ONECUT3: variants seen among roughly 807,000 people sequenced by gnomAD.
ONECUT3 encodes the protein one cut domain family member 3.
In ONECUT3, 11 loss-of-function variants were observed where a neutral mutation model predicts 16.8. The observed-to-expected ratio is 0.66, with a 90% CI of 0.41 to 1.09. The LOEUF (loss-of-function observed/expected upper bound fraction) is 1.09, where lower values mean the gene tolerates loss of function less well. Ranked by LOEUF, ONECUT3 falls within the 50% of genes least tolerant of loss-of-function variation. The pLI is 0.00. For synonymous variants in ONECUT3, 344 were observed against 310.7 expected (o/e 1.11, Z -1.13); for missense variants, 637 against 629.9 (o/e 1.01, Z -0.12).
intron 1 of ONECUT3, among the ~76,000 whole-genome samples, chr19:1,770,770 G>GT (rs2068047235): frequency 1.3e-5 from 2 of 152,140 alleles, no homozygotes; most frequent in Admixed American, 6.6e-5. Flanking sequence ...GGTCAATTCA[G>GT]TTTTTTGCAT....
rs1301162596 is a variant in ONECUT3 at position 1,758,315 on chromosome 19, AAGAG to A, written c.1192+3479_1192+3482del. Among the ~76,000 whole-genome samples, 1,627 of 77,014 alleles carry A rather than the reference AAGAG, an allele frequency of 0.021. 22 individuals carry two copies. The highest frequency in any genetic ancestry group is 0.076 in the South Asian group (155 of 2,030). The allele number at this position is 77,014 out of a possible 152,430, so 50.5% of individuals were successfully genotyped here. ...GCAGAGAGACCAAAAAAAAAAAAAA[AAGAG>A]AGAGAGAGAGAGAGAGACAGAGATG... On this transcript the variant is annotated intron_variant, in intron 1 of 1. Coordinates refer to ENST00000382349, the MANE Select transcript of ONECUT3 (RefSeq NM_001080488.2). The surrounding 1 kb of genome is among the most constrained non-coding windows in gnomAD (Gnocchi z 5.9).
At position 1,775,154 on chromosome 19, in the gene ONECUT3, C is replaced by T; in HGVS notation, c.1194C>T (p.Ala398=). Residue 398 remains alanine, a splice_region_variant and synonymous_variant, in exon 2 of 2, where the codon GCC becomes GCT. Coordinates refer to ENST00000382349, the MANE Select transcript of ONECUT3 (RefSeq NM_001080488.2). ...FQRMSALRLA[A]CKRKEQEQQK... ...CGCCCGCCCGCCGCTCGCCCGCAGC[C>T]TGCAAGCGCAAGGAACAGGAGCAGC... is the stretch of plus-strand genomic sequence containing the variant. 2 of 1,477,764 alleles carry T rather than the reference C, an allele frequency of 1.4e-6. No homozygotes were observed. The highest frequency in any genetic ancestry group is 1.5e-5 in the African/African-American group (1 of 68,786). The allele number at this position is 1,477,764 out of a possible 1,614,324, so 91.5% of individuals were successfully genotyped here. A position where few individuals can be genotyped will look rare whatever the true frequency, so the allele number is the denominator to read the frequency against.
At chr19:1,767,316 C>A (rs1600349577) in intron 1 of ONECUT3, among the ~76,000 whole-genome samples, 1 of 152,278 alleles carries the variant, frequency 6.6e-6, no homozygotes, top group Non-Finnish European at 1.5e-5. Context: ...CACAGCCCAA[C>A]CATGATCAAG....
In ONECUT3 at chr19:1,759,275, A is replaced by G. The variant is rs558947473; in HGVS notation, c.1192+4421A>G. ...CTGAGGGGAAGGACATGGAAAGGAA[A>G]AAGAGGCAGAACCTCTTCCCCACCC... On this transcript the variant is annotated intron_variant, in intron 1 of 1. Transcript: ENST00000382349. This position sits in a 1 kb window ranked among gnomAD's most constrained non-coding sequence, Gnocchi z 4.1. Among the ~76,000 whole-genome samples, 89 of 152,134 alleles carry G rather than the reference A, an allele frequency of 5.9e-4. No homozygotes were observed. The highest frequency in any genetic ancestry group is 2.0e-3 in the African/African-American group (85 of 41,494).
intron 1 of ONECUT3, among the ~76,000 whole-genome samples, chr19:1,767,298 C>T (rs1167031265): frequency 6.6e-6 from 1 of 152,148 alleles, no homozygotes. Flanking sequence ...TCTGGCTAGA[C>T]CCTTCCCCAC....
intron 1 of ONECUT3, among the ~76,000 whole-genome samples, chr19:1,769,630 C>T (rs116341385): frequency 2.7e-5 from 4 of 150,120 alleles, no homozygotes; most frequent in East Asian, 2.0e-4. Context: ...GGTCAGGTGG[C>T]GGTGGTGATG....
chr19:1,775,459 C>T lies in ONECUT3; in HGVS notation c.*14C>T. On this transcript the variant is annotated 3_prime_UTR_variant, in exon 2 of 2. Transcript: ENST00000382349. The stretch of plus-strand genomic sequence containing the variant: ...TCCAAGGCCTGAGGCGCCCCGGCCC[C>T]GCGCCCTCCCTGCCTCCACGGCCTG... 3.4e-6 allele frequency: 5 copies of T among 1,454,818 alleles called. No individual in the cohort carries two copies. The South Asian group carries it at 4.4e-5, about 13-fold the overall frequency. 90.1% of individuals were successfully genotyped at this position (1,454,818 alleles called of 1,614,324 possible).
intron 1 of ONECUT3, among the ~76,000 whole-genome samples, chr19:1,768,087 G>C (rs1320263639): frequency 6.6e-6 from 1 of 152,150 alleles, no homozygotes; most frequent in Non-Finnish European, 1.5e-5. Flanking sequence ...GAGGTGCAGG[G>C]CTGGCTGCAT....
rs2068110795 is a variant in ONECUT3, at chr19:1,776,587, CA to C, written c.*1145del. ...CTCCATTTTTTGCCAAAAATATTTA[CA>C]AATGGGAAGGGTCGGAAATGAAGAT... On this transcript the variant is annotated 3_prime_UTR_variant, in exon 2 of 2. Coordinates refer to ENST00000382349, the MANE Select transcript of ONECUT3 (RefSeq NM_001080488.2). The surrounding 1 kb of genome is among the most constrained non-coding windows in gnomAD (Gnocchi z 4.9). 6.6e-6 allele frequency: 1 copy of C among 152,124 alleles called. No individual in the cohort carries two copies. Among genetic ancestry groups the C allele is most frequent in the Non-Finnish European group, 1.5e-5 (1 of 68,028 alleles). The allele number at this position is 152,124 out of a possible 1,614,324, so 9.4% of individuals were successfully genotyped here. A position where few individuals can be genotyped will look rare whatever the true frequency, so the allele number is the denominator to read the frequency against.
intron 1 of ONECUT3, among the ~76,000 whole-genome samples, chr19:1,761,636 C>T (rs542882448): frequency 8.5e-5 from 13 of 152,284 alleles, no homozygotes; most frequent in African/African-American, 3.1e-4. Context: ...CCGGCTTACC[C>T]GGGAGAGCTG....
chr19:1,763,961 G>A (rs1441655801), intron 1 of ONECUT3, among the ~76,000 whole-genome samples: 2 of 152,024 alleles, frequency 1.3e-5, no homozygotes, highest in Non-Finnish European at 2.9e-5. Context: ...CGTCCGGGGC[G>A]GATCATTTTA....
At position 1,779,418 on chromosome 19, in the gene ONECUT3, AGAGAGAGAGAGAGGGAGAGAGAGG is replaced by A. The variant is rs1166262631; in HGVS notation, c.*3979_*4002del. 6.7e-6 allele frequency: 1 copy of A among 149,422 alleles called. No homozygotes were observed. The highest frequency in any genetic ancestry group is 1.5e-5 in the Non-Finnish European group (1 of 67,262). The allele number at this position is 149,422 out of a possible 1,614,324, so 9.3% of individuals were successfully genotyped here. On this transcript the variant is annotated 3_prime_UTR_variant, in exon 2 of 2. Coordinates refer to ENST00000382349, the MANE Select transcript of ONECUT3 (RefSeq NM_001080488.2). ...GGAAGAGAGAGAGAGAGCGAGCGCAAGAGAGAGAGAGAGGGAGAGAGAGGGAGAGGGAGAGAGAGAGGCAGAGGT... is the reference window on the plus strand; with the variant it reads ...GGAAGAGAGAGAGAGAGCGAGCGCAAGAGAGGGAGAGAGAGAGGCAGAGGT...
At position 1,759,613 on chromosome 19, in the gene ONECUT3, A is replaced by G. The variant is rs1403645705; in HGVS notation, c.1192+4759A>G. Among the ~76,000 whole-genome samples the G allele has an allele frequency of 1.3e-5, 2 of 152,136 alleles. No homozygotes were observed. Among genetic ancestry groups the G allele is most frequent in the Non-Finnish European group, 1.5e-5 (1 of 68,028 alleles). On this transcript the variant is annotated intron_variant, in intron 1 of 1. Transcript: ENST00000382349. This position sits in a 1 kb window ranked among gnomAD's most constrained non-coding sequence, Gnocchi z 4.1. ...ACGCCTCTTACGGACACCCCCAGAA[A>G]AATATGCCCCACGCCACTAGACAGT... is the stretch of plus-strand genomic sequence containing the variant.
Position 1,778,689 on chromosome 19 carries a change from G to C in ONECUT3, c.*3244G>C, listed in dbSNP as rs562433415. 6.6e-6 allele frequency: 1 copy of C among 152,236 alleles called. No homozygotes were observed. Among genetic ancestry groups the C allele is most frequent in the African/African-American group, 2.4e-5 (1 of 41,470 alleles). The allele number at this position is 152,236 out of a possible 1,614,324, so 9.4% of individuals were successfully genotyped here. A position where few individuals can be genotyped will look rare whatever the true frequency, so the allele number is the denominator to read the frequency against. On this transcript the variant is annotated 3_prime_UTR_variant, in exon 2 of 2. Coordinates refer to ENST00000382349, the MANE Select transcript of ONECUT3 (RefSeq NM_001080488.2). ...GCTATGCTGAACTGTGGTCAGATCA[G>C]GTCAAGCCTCTTGGTCACAGAAGTG...
chr19:1,771,531 C>T (rs2068054887), intron 1 of ONECUT3, among the ~76,000 whole-genome samples: 1 of 152,164 alleles, frequency 6.6e-6, no homozygotes, highest in Non-Finnish European at 1.5e-5. Context: ...TTTGCACACC[C>T]AAAGCTGCTT....
chr19:1,754,218 G>C lies in ONECUT3; in HGVS notation c.556G>C (p.Gly186Arg). The change falls in exon 1 of 2, where the codon GGA becomes CGA. Residue 186 changes from glycine (G) to arginine (R), a missense_variant. Gly to Arg is a moderately radical substitution (Grantham distance 125). Around this residue, in one of 3 missense-constraint regions of ONECUT3, gnomAD observed 419 missense variants for 377.9 expected, o/e 1.11. Transcript: ENST00000382349. The surrounding 1 kb of genome is among the most constrained non-coding windows in gnomAD (Gnocchi z 7.4). ...GCTCGCCTCCGTGGGCCACCTCTAC[G>C]GACCCTACGGCAAGGAGCTGCCCGC... is the stretch of plus-strand genomic sequence containing the variant. ...AALASVGHLY[G>R]PYGKELPAMG... 5 of 1,115,982 alleles carry C rather than the reference G, an allele frequency of 4.5e-6. No individual in the cohort carries two copies. The highest frequency in any genetic ancestry group is 4.4e-6 in the Non-Finnish European group (4 of 908,310). 69.1% of individuals were successfully genotyped at this position (1,115,982 alleles called of 1,614,324 possible).
chr19:1,754,893 C>G lies in ONECUT3; in HGVS notation c.1192+39C>G. On this transcript the variant is annotated intron_variant, in intron 1 of 1. Transcript: ENST00000382349. This position sits in a 1 kb window ranked among gnomAD's most constrained non-coding sequence, Gnocchi z 7.4. ...GCGCAGGGCCAGACCCTGGGGGCGCCGGCTCTGGACTCCCGAGCACCTAGC... is the reference window on the plus strand; with the variant it reads ...GCGCAGGGCCAGACCCTGGGGGCGCGGGCTCTGGACTCCCGAGCACCTAGC... The G allele has an allele frequency of 2.2e-6, 3 of 1,345,970 alleles. No homozygotes were observed. The highest frequency in any genetic ancestry group is 2.9e-6 in the Non-Finnish European group (3 of 1,040,014). 83.4% of individuals were successfully genotyped at this position (1,345,970 alleles called of 1,614,324 possible).
In ONECUT3 at chr19:1,759,248, A is replaced by ATCC. The variant is rs2067933635; in HGVS notation, c.1192+4394_1192+4395insTCC. Among the ~76,000 whole-genome samples, 2 of 152,020 alleles carry ATCC rather than the reference A, an allele frequency of 1.3e-5. No homozygotes were observed. The highest frequency in any genetic ancestry group is 4.8e-5 in the African/African-American group (2 of 41,360). The stretch of plus-strand genomic sequence containing the variant: ...GCAGGGGGGATGCCAGGGACTGGGG[A>ATCC]CCTGAGGGGAAGGACATGGAAAGGA... On this transcript the variant is annotated intron_variant, in intron 1 of 1. Coordinates refer to ENST00000382349, the MANE Select transcript of ONECUT3 (RefSeq NM_001080488.2). The surrounding 1 kb of genome is among the most constrained non-coding windows in gnomAD (Gnocchi z 4.1).
rs1484731099 is a variant in ONECUT3, at chr19:1,779,366, A to G, written c.*3921A>G. ...GACCAGTGGCGTTTACAGATTTCTT[A>G]TTTAAATGAGTCCTTTAGGAAAGAA... On this transcript the variant is annotated 3_prime_UTR_variant, in exon 2 of 2. Coordinates refer to ENST00000382349, the MANE Select transcript of ONECUT3 (RefSeq NM_001080488.2). The G allele has an allele frequency of 6.6e-6, 1 of 152,000 alleles. No homozygotes were observed. Among genetic ancestry groups the G allele is most frequent in the Non-Finnish European group, 1.5e-5 (1 of 68,004 alleles). 9.4% of individuals were successfully genotyped at this position (152,000 alleles called of 1,614,324 possible). A position where few individuals can be genotyped will look rare whatever the true frequency, so the allele number is the denominator to read the frequency against.
Sources: gnomAD v4.1 joint callset for allele counts (sites outside exome capture counted in the v4.1 genomes callset) on GRCh38, gnomAD v4.1.1 for gene constraint, gnomAD v4.1.1 regional missense constraint, Gnocchi (gnomAD v3.1) non-coding constraint, MANE v1.5 for transcripts, NCBI Gene and HGNC (gene_info 2026-07-23, HGNC 2026-07-21) for gene names.